MAPK8IP3: variants seen among roughly 807,000 people sequenced by gnomAD.
MAPK8IP3 encodes mitogen-activated protein kinase 8 interacting protein 3.
In MAPK8IP3, 49 loss-of-function variants were observed where a neutral mutation model predicts 157.8. The ratio of observed to expected loss-of-function variants is 0.31; its 90% CI spans 0.25 to 0.39. The LOEUF (loss-of-function observed/expected upper bound fraction) is 0.39, where lower values mean the gene tolerates loss of function less well. MAPK8IP3 is among the 10% of genes least tolerant of loss of function. The probability of loss-of-function intolerance (pLI) is 1.00; values close to 1 mark genes in which losing one functional copy is unlikely to be tolerated. For synonymous variants in MAPK8IP3, 897 were observed against 777.7 expected, an observed-to-expected ratio of 1.15 and a Z score of -2.55; for missense variants, 1,478 against 1,889.4, an observed-to-expected ratio of 0.78 and a Z score of 4.04.
chr16:1,745,083 G>A (rs1161437517), intron 5 of MAPK8IP3: 1 of 985,452 alleles, frequency 1.0e-6, no homozygotes, highest in Non-Finnish European at 1.2e-6. Flanking sequence ...ATGTTTAGGA[G>A]GTTGAGAGGT....
intron 10 of MAPK8IP3, 88 bp downstream of exon 10, chr16:1,759,083 G>C: frequency 6.4e-7 from 1 of 1,565,466 alleles, no homozygotes. Context: ...TGTTCTGCAT[G>C]ATGGGGACAG....
At chr16:1,734,602 G>A (rs934264835) in intron 4 of MAPK8IP3, among the ~76,000 whole-genome samples, 9 of 152,210 alleles carry the variant, frequency 5.9e-5, no homozygotes, top group Admixed American at 2.0e-4. Context: ...CCTTTGTGGG[G>A]TCAGGGGTGC....
chr16:1,759,080 C>T, intron 10 of MAPK8IP3, 85 bp downstream of exon 10: 1 of 1,567,106 alleles, frequency 6.4e-7, no homozygotes, highest in Non-Finnish European at 8.8e-7. Context: ...CTTTGTTCTG[C>T]ATGATGGGGA....
At position 1,743,434 on chromosome 16, in the gene MAPK8IP3, C is replaced by T. The variant is rs550340279; in HGVS notation, c.705C>T (p.His235=). The T allele has an allele frequency of 1.2e-6, 2 of 1,610,004 alleles. No individual in the cohort carries two copies. The highest frequency in any genetic ancestry group is 1.1e-5 in the South Asian group (1 of 90,610). The part of the protein sequence containing the change: ...GKLVPAGDHW[H]LSDLGQLQSS... ...TCGTGCCTGCGGGGGACCACTGGCA[C>T]CTGAGTGACCTCGGCCAGCTGCAGT... The change falls in exon 5 of 32, where the codon CAC becomes CAT. Residue 235 remains histidine (H), a synonymous_variant. Coordinates refer to ENST00000610761, the MANE Select transcript of MAPK8IP3 (RefSeq NM_001318852.2). This position sits in a 1 kb window ranked among gnomAD's most constrained non-coding sequence, Gnocchi z 5.6.
chr16:1,739,157 CGT>C (rs779503597), intron 4 of MAPK8IP3, among the ~76,000 whole-genome samples: 3 of 111,720 alleles, frequency 2.7e-5, no homozygotes, highest in East Asian at 6.0e-4. Flanking sequence ...TGTGACCATC[CGT>C]GTGAGTGTGA....
rs1409208047 is a variant in MAPK8IP3 at position 1,706,250 on chromosome 16, C to A, written c.-90C>A. ...AGGCGACAGCAGCTGCGGGAGGCGACGGGCTGCGGCCTGCGGAACCTGAGG... is the reference window on the plus strand; with the variant it reads ...AGGCGACAGCAGCTGCGGGAGGCGAAGGGCTGCGGCCTGCGGAACCTGAGG... On this transcript the variant is annotated 5_prime_UTR_variant, in exon 1 of 32. Transcript: ENST00000610761. This position sits in a 1 kb window ranked among gnomAD's most constrained non-coding sequence, Gnocchi z 5.1. The A allele has an allele frequency of 3.3e-6, 4 of 1,218,382 alleles. No individual in the cohort carries two copies. The highest frequency in any genetic ancestry group is 3.1e-5 in the East Asian group (1 of 32,524). The allele number at this position is 1,218,382 out of a possible 1,614,324, so 75.5% of individuals were successfully genotyped here. A position where few individuals can be genotyped will look rare whatever the true frequency, so the allele number is the denominator to read the frequency against.
intron 4 of MAPK8IP3, among the ~76,000 whole-genome samples, chr16:1,736,225 C>T (rs1466098598): frequency 1.1e-5 from 1 of 87,178 alleles, no homozygotes; most frequent in African/African-American, 4.7e-5. Flanking sequence ...TGTGAGCGTC[C>T]GTGTAAGCAT....
In MAPK8IP3 at chr16:1,769,104, G is replaced by A. The variant is rs761104546; in HGVS notation, c.*280G>A. 38 of 484,262 alleles carry A rather than the reference G, an allele frequency of 7.8e-5. 1 individual carries two copies. Among genetic ancestry groups the A allele is most frequent in the Non-Finnish European group, 1.2e-4 (33 of 265,500 alleles). 30.0% of individuals were successfully genotyped at this position (484,262 alleles called of 1,614,324 possible). On this transcript the variant is annotated 3_prime_UTR_variant, in exon 32 of 32. Transcript: ENST00000610761. The stretch of plus-strand genomic sequence containing the variant: ...TCCAGCCCAGAGTCCTCAAGTCCAG[G>A]GCACCTTGGGCCCAGCGCAGGCAGA...
At chr16:1,752,839 A>T in intron 8 of MAPK8IP3, among the ~76,000 whole-genome samples, 1 of 152,048 alleles carries the variant, frequency 6.6e-6, no homozygotes, top group East Asian at 1.9e-4. Context: ...CTGTTGATGG[A>T]AGGTTTTTGA....
rs2042300536 is a variant in MAPK8IP3, at chr16:1,766,889, G to A, written c.3021-15G>A. On this transcript the variant is annotated splice_polypyrimidine_tract_variant and intron_variant, in intron 24 of 31. Transcript: ENST00000610761. The stretch of plus-strand genomic sequence containing the variant: ...CAGCCTGGCCCAAACCAGGCTCACC[G>A]CATTCCTGTTTCAGGCATGTCAAAG... The A allele has an allele frequency of 5.0e-6, 8 of 1,606,096 alleles. No homozygotes were observed. The highest frequency in any genetic ancestry group is 1.3e-5 in the African/African-American group (1 of 74,944).
rs539486922 is a variant in MAPK8IP3, at chr16:1,730,352, C to T, written c.602+774C>T. Reference sequence around the variant, plus strand: ...GGTATGGTGGCTCACGCCTGTAATCCCAGCACTTTGGGAGGCCGAGGTGGG... The same window carrying T: ...GGTATGGTGGCTCACGCCTGTAATCTCAGCACTTTGGGAGGCCGAGGTGGG... On this transcript the variant is annotated intron_variant, in intron 4 of 31. Coordinates refer to ENST00000610761, the MANE Select transcript of MAPK8IP3 (RefSeq NM_001318852.2). Among the ~76,000 whole-genome samples the T allele has an allele frequency of 7.2e-5, 11 of 152,318 alleles. No individual in the cohort carries two copies. The South Asian group carries it at 2.3e-3, about 32-fold the overall frequency.
At position 1,769,788 on chromosome 16, in the gene MAPK8IP3, C is replaced by T. The variant is rs1282916489; in HGVS notation, c.*964C>T. ...GCACGGGGCTCCACGGAGCCCAGCT[C>T]CCAGACACGCTACTAAGTGCCTAGG... On this transcript the variant is annotated 3_prime_UTR_variant, in exon 32 of 32. Coordinates refer to ENST00000610761, the MANE Select transcript of MAPK8IP3 (RefSeq NM_001318852.2). 1 of 152,832 alleles carries T rather than the reference C, an allele frequency of 6.5e-6. No individual in the cohort carries two copies. 9.5% of individuals were successfully genotyped at this position (152,832 alleles called of 1,614,324 possible).
At chr16:1,768,420 C>T (rs770878366) in intron 30 of MAPK8IP3, 42 bp downstream of exon 30, 5 of 1,596,860 alleles carry the variant, frequency 3.1e-6, no homozygotes, top group African/African-American at 2.7e-5. Flanking sequence ...CCCTGCATGC[C>T]AGTGGCCGCC....
intron 4 of MAPK8IP3, among the ~76,000 whole-genome samples, chr16:1,737,421 CGTCCGTGTGAGT>C (rs1386301104): frequency 8.3e-5 from 8 of 95,846 alleles, no homozygotes; most frequent in Admixed American, 2.3e-4. Context: ...TCCGTGTGAG[CGTCCGTGTGAGT>C]GTGTGAGCGT....
intron 2 of MAPK8IP3, among the ~76,000 whole-genome samples, chr16:1,727,753 G>A (rs1361240797): frequency 4.6e-5 from 7 of 152,210 alleles, no homozygotes; most frequent in African/African-American, 1.7e-4. Flanking sequence ...CGCGCCAGCA[G>A]TGCAGCTTCC....
intron 5 of MAPK8IP3, chr16:1,746,787 T>G: frequency 1.1e-5 from 6 of 552,788 alleles, no homozygotes; most frequent in Non-Finnish European, 1.6e-5. Context: ...TTCCAAGCCA[T>G]TTCAGGAGGG....
chr16:1,748,393 T>C (rs1216162714), intron 7 of MAPK8IP3, 47 bp downstream of exon 7: 2 of 1,507,576 alleles, frequency 1.3e-6, no homozygotes, highest in Non-Finnish European at 1.8e-6. Context: ...TCAGTATTTA[T>C]CCAAGTCGGT....
At chr16:1,745,190 A>G in intron 5 of MAPK8IP3, 7 of 985,392 alleles carry the variant, frequency 7.1e-6, no homozygotes, top group Non-Finnish European at 8.4e-6. Flanking sequence ...ATCAGACTGC[A>G]GAATTCCCCG....
In MAPK8IP3 at chr16:1,759,997, C is replaced by T. The variant is rs1263401752; in HGVS notation, c.1286C>T (p.Ser429Leu). 6.2e-7 allele frequency: 1 copy of T among 1,614,230 alleles called. No individual in the cohort carries two copies. Reference protein sequence around the residue: ...KEVGNLLLENSQLLETKNALN... With the variant: ...KEVGNLLLENLQLLETKNALN... ...GTGGGGAATCTGCTACTGGAAAACT[C>T]ACAGCTTCTGGAAACCAAGTAAGAG... The change falls in exon 11 of 32, where the codon TCA becomes TTA. Residue 429 changes from serine to leucine, a missense_variant. Ser to Leu is a moderately radical substitution (Grantham distance 145). This residue lies in a region of MAPK8IP3 where 4 missense variants were observed against 22.8 expected (regional missense o/e 0.18). Transcript: ENST00000610761.
Sources: allele counts gnomAD v4.1 joint callset (sites outside exome capture counted in the v4.1 genomes callset), GRCh38; gene constraint gnomAD v4.1.1; regional missense constraint gnomAD v4.1.1; non-coding constraint Gnocchi (gnomAD v3.1); transcripts MANE v1.5; gene names NCBI Gene and HGNC (gene_info 2026-07-23, HGNC 2026-07-21).